GCNT4: variants seen among roughly 807,000 people sequenced by gnomAD.
GCNT4 encodes glucosaminyl (N-acetyl) transferase 4, also known as beta-1,3-galactosyl-O-glycosyl-glycoprotein beta-1,6-N-acetylglucosaminyltransferase 4.
GCNT4 carries 17 observed loss-of-function variants against 31.3 expected under a neutral mutation model. The ratio of observed to expected loss-of-function variants is 0.54; its 90% confidence interval spans 0.37 to 0.81. The LOEUF (loss-of-function observed/expected upper bound fraction) is 0.81. GCNT4 is among the 40% of genes least tolerant of loss of function. GCNT4 has a pLI of 0.00. For synonymous variants in GCNT4, 158 were observed against 190.6 expected (o/e 0.83, Z 1.41); for missense variants, 503 against 525.5 (o/e 0.96, Z 0.42).
downstream of GCNT4, among the ~76,000 whole-genome samples, chr5:75,024,208 AT>A (rs1474777083): frequency 2.0e-5 from 3 of 152,228 alleles, no homozygotes. Flanking sequence ...TTATGTAGGA[AT>A]CAAATCAGTC....
In GCNT4 at chr5:75,037,299, T is replaced by C. The variant is rs115203271; in HGVS notation, c.-1-7261A>G. 3.1e-3 allele frequency among the ~76,000 whole-genome samples: 465 copies of C among 152,198 alleles called. 2 individuals carry two copies. The highest frequency in any genetic ancestry group is 0.011 in the African/African-American group (448 of 41,518). The stretch of plus-strand genomic sequence containing the variant: ...GGATGACTCAGTCAGATGCAGTTCC[T>C]CCACACTCCCACAGCACTCCAGGAG... On this transcript the variant is annotated intron_variant, in intron 3 of 3. Coordinates refer to ENST00000652361, the MANE Select transcript of GCNT4 (RefSeq NM_001366737.1).
In GCNT4 at chr5:75,029,043, T is replaced by TC; in HGVS notation, c.994_995insG (p.Tyr332Ter). ...QDFFAWSKDTYSPDEHFWATL... is the reference protein window; with the variant it reads ...QDFFAWSKDT Reference sequence around the variant, plus strand: ...AGCCCAAAAGTGCTCATCAGGAGAGTATGTGTCTTTAGACCAGGCAAAAAA... The same window carrying TC: ...AGCCCAAAAGTGCTCATCAGGAGAGTCATGTGTCTTTAGACCAGGCAAAAAA... The change falls in exon 4 of 4, where the codon TAC (tyrosine) becomes TGAC (stop). Residue 332 changes from tyrosine to a stop codon, truncating the protein, a stop_gained and frameshift_variant. Coordinates refer to ENST00000652361, the MANE Select transcript of GCNT4 (RefSeq NM_001366737.1). LOFTEE classifies it high-confidence loss of function. The TC allele has an allele frequency of 6.2e-7, 1 of 1,613,976 alleles. No homozygotes were observed. Among genetic ancestry groups the TC allele is most frequent in the Non-Finnish European group, 8.5e-7 (1 of 1,179,978 alleles).
At chr5:75,046,586 A>G (rs951037953) in intron 3 of GCNT4, among the ~76,000 whole-genome samples, 6 of 152,204 alleles carry the variant, frequency 3.9e-5, no homozygotes, top group African/African-American at 1.2e-4. Flanking sequence ...CCAAGAGCAG[A>G]CAGGCTGACT....
rs1743018564 is a variant in GCNT4, at chr5:75,029,600, A to C, written c.438T>G (p.Val146=). 1.2e-6 allele frequency: 2 copies of C among 1,614,182 alleles called. No homozygotes were observed. The highest frequency in any genetic ancestry group is 4.5e-5 in the East Asian group (2 of 44,880). Residue 146 remains valine, a synonymous_variant, in exon 4 of 4, where the codon GTT becomes GTG. Coordinates refer to ENST00000652361, the MANE Select transcript of GCNT4 (RefSeq NM_001366737.1). The stretch of plus-strand genomic sequence containing the variant: ...TGTATATAGCATGGATAAGCCTTTC[A>C]ACCATAATTGCATCTTTGTGGACAA... The part of the protein sequence containing the change: ...SLVVHKDAIM[V]ERLIHAIYNQ...
At chr5:75,023,783 C>T (rs866170018), downstream of GCNT4, 3 of 152,118 alleles carry the variant, frequency 2.0e-5, no homozygotes, top group Admixed American at 6.6e-5. Flanking sequence ...CTATGAGAAA[C>T]AACAAAGAAC....
chr5:75,048,472 A>G (rs184723123), intron 2 of GCNT4, among the ~76,000 whole-genome samples: 1 of 152,322 alleles, frequency 6.6e-6, no homozygotes, highest in East Asian at 1.9e-4. Flanking sequence ...AGGACAGTTC[A>G]GTGTTTTGGC....
chr5:75,052,965 C>G (rs1362502434), upstream of GCNT4: 3 of 152,140 alleles, frequency 2.0e-5, no homozygotes, highest in Admixed American at 6.5e-5. Flanking sequence ...GCCCACGAGC[C>G]GCTTCTTGGC....
intron 3 of GCNT4, among the ~76,000 whole-genome samples, chr5:75,045,068 C>A (rs1743406663): frequency 6.6e-6 from 1 of 152,124 alleles, no homozygotes; most frequent in Admixed American, 6.5e-5. Flanking sequence ...ATAAAAATAA[C>A]TTTTCTTGTT....
chr5:75,027,307 T>C lies in GCNT4; in HGVS notation c.*1369A>G, dbSNP rs796148405. 2.4e-4 allele frequency: 13 copies of C among 55,300 alleles called. No individual in the cohort carries two copies. Among genetic ancestry groups the C allele is most frequent in the Non-Finnish European group, 3.4e-4 (12 of 34,866 alleles). The allele number at this position is 55,300 out of a possible 1,614,324, so 3.4% of individuals were successfully genotyped here. A position where few individuals can be genotyped will look rare whatever the true frequency, so the allele number is the denominator to read the frequency against. On this transcript the variant is annotated 3_prime_UTR_variant, in exon 4 of 4. Transcript: ENST00000652361. ...TAATATATATTTATATATATATAAT[T>C]ATATGTATATATAATATATATTCAT...
upstream of GCNT4, among the ~76,000 whole-genome samples, chr5:75,053,124 TC>T (rs1378534953): frequency 6.6e-6 from 1 of 151,698 alleles, no homozygotes; most frequent in Non-Finnish European, 1.5e-5. Flanking sequence ...CGCTGCCCTT[TC>T]CCCCCGCTGG....
chr5:75,019,775 G>T, the GCNT4 span, among the ~76,000 whole-genome samples: 2 of 152,260 alleles, frequency 1.3e-5, no homozygotes, highest in East Asian at 3.9e-4. Context: ...TCTAAATGTT[G>T]TTGATTGAAG....
intron 3 of GCNT4, among the ~76,000 whole-genome samples, chr5:75,033,024 C>T (rs987524351): frequency 1.3e-5 from 2 of 152,126 alleles, no homozygotes; most frequent in Admixed American, 6.5e-5. Flanking sequence ...TTTCTTTTCT[C>T]ACTGTATTAG....
chr5:75,040,735 G>C (rs575689715), intron 3 of GCNT4, among the ~76,000 whole-genome samples: 1 of 152,308 alleles, frequency 6.6e-6, no homozygotes. Flanking sequence ...AAGAGTCAAT[G>C]TGTTATAAGT....
At position 75,030,042 on chromosome 5, in the gene GCNT4, T is replaced by C; in HGVS notation, c.-1-4A>G. ...ATAACATTTGAATATCTTCATTCTG[T>C]AAGAGGAGAAAGAAATAATCCAGTT... On this transcript the variant is annotated splice_region_variant and splice_polypyrimidine_tract_variant and intron_variant, in intron 3 of 3. Transcript: ENST00000652361. The C allele has an allele frequency of 6.3e-7, 1 of 1,579,228 alleles. No homozygotes were observed. Among genetic ancestry groups the C allele is most frequent in the Non-Finnish European group, 8.6e-7 (1 of 1,165,636 alleles).
At position 75,027,884 on chromosome 5, in the gene GCNT4, T is replaced by C. The variant is rs1742982937; in HGVS notation, c.*792A>G. On this transcript the variant is annotated 3_prime_UTR_variant, in exon 4 of 4. Transcript: ENST00000652361. ...TTGGTCAGTTCTTATTTTTAATCAG[T>C]AAATGCATTTTAAAGAAACAGTTGA... 1 of 152,498 alleles carries C rather than the reference T, an allele frequency of 6.6e-6. No homozygotes were observed. The highest frequency in any genetic ancestry group is 1.5e-5 in the Non-Finnish European group (1 of 68,028). The allele number at this position is 152,498 out of a possible 1,614,324, so 9.4% of individuals were successfully genotyped here. A position where few individuals can be genotyped will look rare whatever the true frequency, so the allele number is the denominator to read the frequency against.
At chr5:75,047,509 G>C (rs1743467866) in intron 3 of GCNT4, among the ~76,000 whole-genome samples, 1 of 152,140 alleles carries the variant, frequency 6.6e-6, no homozygotes, top group African/African-American at 2.4e-5. Context: ...GTGGGGTTTT[G>C]GGGGAGGCTT....
chr5:75,045,823 AAG>A (rs1215268695), intron 3 of GCNT4, among the ~76,000 whole-genome samples: 1 of 152,212 alleles, frequency 6.6e-6, no homozygotes, highest in Non-Finnish European at 1.5e-5. Flanking sequence ...GTGAGGTCCT[AAG>A]TGACTGATAA....
In GCNT4 at chr5:75,026,317, C is replaced by T. The variant is rs998697795; in HGVS notation, c.*2359G>A. The stretch of plus-strand genomic sequence containing the variant: ...AAAAACCAAGATTTCAACAGGATTT[C>T]GTGTATTTCATCCTAGATGGTGGGA... On this transcript the variant is annotated 3_prime_UTR_variant, in exon 4 of 4. Transcript: ENST00000652361. 8 of 152,062 alleles carry T rather than the reference C, an allele frequency of 5.3e-5. No homozygotes were observed. The highest frequency in any genetic ancestry group is 2.0e-4 in the Admixed American group (3 of 15,258). The allele number at this position is 152,062 out of a possible 1,614,324, so 9.4% of individuals were successfully genotyped here.
At chr5:75,018,293 T>C in the GCNT4 span, among the ~76,000 whole-genome samples, 1 of 151,986 alleles carries the variant, frequency 6.6e-6, no homozygotes, top group Non-Finnish European at 1.5e-5. Flanking sequence ...TATTGATTTA[T>C]TTTTTTGAGA....
Sources: gnomAD v4.1 joint callset for allele counts (sites outside exome capture counted in the v4.1 genomes callset) on GRCh38, gnomAD v4.1.1 for gene constraint, MANE v1.5 for transcripts, NCBI Gene and HGNC (gene_info 2026-07-23, HGNC 2026-07-21) for gene names.